Variants in ASB18 observed in about 807,000 individuals in gnomAD.
The protein encoded by ASB18 is ankyrin repeat and SOCS box containing 18, also known as ankyrin repeat and SOCS box protein 18.
A neutral mutation model predicts 33.4 loss-of-function variants in ASB18; 33 were observed. That is an observed-to-expected ratio of 0.99 (90% CI 0.75 to 1.32). The LOEUF is 1.32. Ranked by LOEUF, ASB18 falls within the 40% of genes most tolerant of loss-of-function variation. The pLI is 0.00. For missense variants in ASB18, 694 were observed against 655.5 expected, an observed-to-expected ratio of 1.06 and a Z score of -0.64; for synonymous variants, 295 against 307.6, an observed-to-expected ratio of 0.96 and a Z score of 0.43.
rs2060670129 is a variant in ASB18, at chr2:236,251,821, G to T, written c.206-10419C>A. On this transcript the variant is annotated intron_variant, in intron 1 of 5. Transcript: ENST00000409749. This position sits in a 1 kb window ranked among gnomAD's most constrained non-coding sequence, Gnocchi z 5.3. ...AGAGATCTTTTTGCCTATTGTGAAAGATTTTTTAAAAGTCAAGTTTTTGAA... is the reference window on the plus strand; with the variant it reads ...AGAGATCTTTTTGCCTATTGTGAAATATTTTTTAAAAGTCAAGTTTTTGAA... Among the ~76,000 whole-genome samples, 2 of 152,186 alleles carry T rather than the reference G, an allele frequency of 1.3e-5. No individual in the cohort carries two copies. The highest frequency in any genetic ancestry group is 4.1e-4 in the South Asian group (2 of 4,836).
At position 236,226,242 on chromosome 2, in the gene ASB18, A is replaced by G. The variant is rs1300324981; in HGVS notation, c.597-11376T>C. 6.6e-6 allele frequency among the ~76,000 whole-genome samples: 1 copy of G among 152,236 alleles called. No individual in the cohort carries two copies. The highest frequency in any genetic ancestry group is 1.5e-5 in the Non-Finnish European group (1 of 68,044). ...ATGGGACCTGCCAGCATATTCCATT[A>G]TCATCATTGATATTGAAGGGATTCT... On this transcript the variant is annotated intron_variant, in intron 3 of 5. Coordinates refer to ENST00000409749, the MANE Select transcript of ASB18 (RefSeq NM_212556.4). The surrounding 1 kb of genome is among the most constrained non-coding windows in gnomAD (Gnocchi z 4.8).
At chr2:236,240,773 C>T (rs534821500) in intron 2 of ASB18, among the ~76,000 whole-genome samples, 1 of 152,304 alleles carries the variant, frequency 6.6e-6, no homozygotes, top group East Asian at 1.9e-4. Context: ...TTTTCCTTCC[C>T]CATTCTTGGG....
At position 236,237,396 on chromosome 2, in the gene ASB18, G is replaced by GA. The variant is rs1559335097; in HGVS notation, c.596+292_596+293insT. Among the ~76,000 whole-genome samples, 1 of 103,296 alleles carries GA rather than the reference G, an allele frequency of 9.7e-6. No homozygotes were observed. The highest frequency in any genetic ancestry group is 8.6e-5 in the African/African-American group (1 of 11,654). 67.8% of individuals were successfully genotyped at this position (103,296 alleles called of 152,430 possible). A position where few individuals can be genotyped will look rare whatever the true frequency, so the allele number is the denominator to read the frequency against. ...GGCCGGGGCGCGGGGCGGGGGCCGG[G>GA]GCCGGGGCGCGGGGCGGGGGCCGGG... is the stretch of plus-strand genomic sequence containing the variant. On this transcript the variant is annotated intron_variant, in intron 3 of 5. Transcript: ENST00000409749. The surrounding 1 kb of genome is among the most constrained non-coding windows in gnomAD (Gnocchi z 6.2).
In ASB18 at chr2:236,225,759, G is replaced by C. The variant is rs1270740637; in HGVS notation, c.597-10893C>G. Among the ~76,000 whole-genome samples the C allele has an allele frequency of 1.3e-5, 2 of 151,648 alleles. No individual in the cohort carries two copies. Among genetic ancestry groups the C allele is most frequent in the Non-Finnish European group, 2.9e-5 (2 of 67,974 alleles). On this transcript the variant is annotated intron_variant, in intron 3 of 5. Coordinates refer to ENST00000409749, the MANE Select transcript of ASB18 (RefSeq NM_212556.4). This position sits in a 1 kb window ranked among gnomAD's most constrained non-coding sequence, Gnocchi z 5.1. Reference sequence around the variant, plus strand: ...TATCCCTTTCAGTGTGTTGAATTCTGAATTCTGAAGCTTGCTGGTTGGAAG... The same window carrying C: ...TATCCCTTTCAGTGTGTTGAATTCTCAATTCTGAAGCTTGCTGGTTGGAAG...
Position 236,196,468 on chromosome 2 carries a change from T to C in ASB18, c.1102-83A>G. ...GGAAAGGGTGGGGGGTGTGGGGGGA[T>C]GCTCTCCCTAGCTGTGTGACCTCCC... is the stretch of plus-strand genomic sequence containing the variant. On this transcript the variant is annotated intron_variant, in intron 4 of 5. Transcript: ENST00000409749. This position sits in a 1 kb window ranked among gnomAD's most constrained non-coding sequence, Gnocchi z 5.6. The C allele has an allele frequency of 1.4e-6, 1 of 735,380 alleles. No individual in the cohort carries two copies. The highest frequency in any genetic ancestry group is 1.6e-5 in the South Asian group (1 of 63,078). The allele number at this position is 735,380 out of a possible 1,614,324, so 45.6% of individuals were successfully genotyped here. A position where few individuals can be genotyped will look rare whatever the true frequency, so the allele number is the denominator to read the frequency against.
In ASB18 at chr2:236,260,125, G is replaced by T. The variant is rs777384468; in HGVS notation, c.205+4016C>A. Among the ~76,000 whole-genome samples the T allele has an allele frequency of 2.6e-5, 4 of 152,222 alleles. No individual in the cohort carries two copies. Among genetic ancestry groups the T allele is most frequent in the African/African-American group, 9.7e-5 (4 of 41,448 alleles). On this transcript the variant is annotated intron_variant, in intron 1 of 5. Transcript: ENST00000409749. The surrounding 1 kb of genome is among the most constrained non-coding windows in gnomAD (Gnocchi z 5.1). ...AAGTGATCATGTTAACATGCAGAGC[G>T]AATGGTTACTTTTCTTTTTCTTATT...
At chr2:236,243,865 C>T (rs1201978322) in intron 1 of ASB18, among the ~76,000 whole-genome samples, 1 of 152,008 alleles carries the variant, frequency 6.6e-6, no homozygotes, top group Non-Finnish European at 1.5e-5. Flanking sequence ...CTTGCTCTGT[C>T]ACCCAGGCTG....
In ASB18 at chr2:236,226,781, G is replaced by A. The variant is rs1468910849; in HGVS notation, c.596+10908C>T. ...AGCAATATTTTTCTGATCCTTTAAA[G>A]TGGGAGAGGAGTTGGGGCCCAAGGT... is the stretch of plus-strand genomic sequence containing the variant. On this transcript the variant is annotated intron_variant, in intron 3 of 5. Transcript: ENST00000409749. This position sits in a 1 kb window ranked among gnomAD's most constrained non-coding sequence, Gnocchi z 4.8. Among the ~76,000 whole-genome samples the A allele has an allele frequency of 6.6e-6, 1 of 152,214 alleles. No individual in the cohort carries two copies. Among genetic ancestry groups the A allele is most frequent in the Non-Finnish European group, 1.5e-5 (1 of 68,036 alleles).
At chr2:236,212,571 A>T (rs1439017094) in intron 4 of ASB18, among the ~76,000 whole-genome samples, 1 of 152,200 alleles carries the variant, frequency 6.6e-6, no homozygotes, top group Non-Finnish European at 1.5e-5. Flanking sequence ...TCAGAAAAAA[A>T]TAATTGGCCC....
At position 236,217,288 on chromosome 2, in the gene ASB18, T is replaced by A. The variant is rs1576399572; in HGVS notation, c.597-2422A>T. On this transcript the variant is annotated intron_variant, in intron 3 of 5. Transcript: ENST00000409749. This position sits in a 1 kb window ranked among gnomAD's most constrained non-coding sequence, Gnocchi z 5.2. The stretch of plus-strand genomic sequence containing the variant: ...CGGGCATAGTGGTGGATGCATGTAA[T>A]CCCAGCCACTCGGGAGGCTGAGGCA... Among the ~76,000 whole-genome samples the A allele has an allele frequency of 6.6e-6, 1 of 151,872 alleles. No individual in the cohort carries two copies. The highest frequency in any genetic ancestry group is 2.4e-5 in the African/African-American group (1 of 41,396).
Position 236,217,412 on chromosome 2 carries a change from C to CA in ASB18, c.597-2547dup, listed in dbSNP as rs1184456986. Among the ~76,000 whole-genome samples, 3,148 of 85,260 alleles carry CA rather than the reference C, an allele frequency of 0.037. 109 individuals are homozygous for CA. Among genetic ancestry groups the CA allele is most frequent in the African/African-American group, 0.2 (2,674 of 13,700 alleles). The allele number at this position is 85,260 out of a possible 152,430, so 55.9% of individuals were successfully genotyped here. A position where few individuals can be genotyped will look rare whatever the true frequency, so the allele number is the denominator to read the frequency against. ...GGGGCAACAGAGCGAGACTCTGTCT[C>CA]AAAAAAAAAAAAAAATAAATCTTGG... On this transcript the variant is annotated intron_variant, in intron 3 of 5. Transcript: ENST00000409749. This position sits in a 1 kb window ranked among gnomAD's most constrained non-coding sequence, Gnocchi z 5.2.
At position 236,260,971 on chromosome 2, in the gene ASB18, G is replaced by A. The variant is rs981153331; in HGVS notation, c.205+3170C>T. Among the ~76,000 whole-genome samples the A allele has an allele frequency of 2.6e-5, 4 of 152,266 alleles. No homozygotes were observed. The highest frequency in any genetic ancestry group is 1.9e-4 in the East Asian group (1 of 5,176). ...CATACCCTCGTTAATAAATGGAGAC[G>A]TTGGTCTCGAGACAGACAGTGAGTT... On this transcript the variant is annotated intron_variant, in intron 1 of 5. Transcript: ENST00000409749. This position sits in a 1 kb window ranked among gnomAD's most constrained non-coding sequence, Gnocchi z 5.1.
chr2:236,245,085 A>G lies in ASB18; in HGVS notation c.206-3683T>C, dbSNP rs1358425419. ...GCTCACATGGGTGAGAGTCAACCTC[A>G]GCTGGGTGTGGGGGGAGACTTGGCC... On this transcript the variant is annotated intron_variant, in intron 1 of 5. Transcript: ENST00000409749. The surrounding 1 kb of genome is among the most constrained non-coding windows in gnomAD (Gnocchi z 4.7). Among the ~76,000 whole-genome samples the G allele has an allele frequency of 1.3e-5, 2 of 152,146 alleles. No homozygotes were observed. The highest frequency in any genetic ancestry group is 2.9e-5 in the Non-Finnish European group (2 of 68,012).
chr2:236,196,836 T>C lies in ASB18; in HGVS notation c.1102-451A>G, dbSNP rs1192702177. On this transcript the variant is annotated intron_variant, in intron 4 of 5. Coordinates refer to ENST00000409749, the MANE Select transcript of ASB18 (RefSeq NM_212556.4). This position sits in a 1 kb window ranked among gnomAD's most constrained non-coding sequence, Gnocchi z 5.6. Reference sequence around the variant, plus strand: ...GAAATTGAGAATTGGGGAAGAGGAATTGTTTTGCTGTTGAATTTCCTCTTG... The same window carrying C: ...GAAATTGAGAATTGGGGAAGAGGAACTGTTTTGCTGTTGAATTTCCTCTTG... 6.6e-6 allele frequency among the ~76,000 whole-genome samples: 1 copy of C among 152,226 alleles called. No homozygotes were observed. The highest frequency in any genetic ancestry group is 1.5e-5 in the Non-Finnish European group (1 of 68,032).
Position 236,253,973 on chromosome 2 carries a change from C to G in ASB18, c.205+10168G>C, listed in dbSNP as rs941707744. The G allele has an allele frequency of 2.0e-5, 3 of 152,026 alleles. No homozygotes were observed. Among genetic ancestry groups the G allele is most frequent in the Non-Finnish European group, 4.4e-5 (3 of 68,010 alleles). 9.4% of individuals were successfully genotyped at this position (152,026 alleles called of 1,614,324 possible). ...GTTAGCTCAGGGTACATCTTTAGGC[C>G]TTTGGATGCCTGTTATAAAATTTAA... is the stretch of plus-strand genomic sequence containing the variant. On this transcript the variant is annotated intron_variant, in intron 1 of 5. Coordinates refer to ENST00000409749, the MANE Select transcript of ASB18 (RefSeq NM_212556.4). This position sits in a 1 kb window ranked among gnomAD's most constrained non-coding sequence, Gnocchi z 5.4.
At position 236,225,681 on chromosome 2, in the gene ASB18, A is replaced by G. The variant is rs2060534077; in HGVS notation, c.597-10815T>C. 6.6e-6 allele frequency among the ~76,000 whole-genome samples: 1 copy of G among 152,208 alleles called. No homozygotes were observed. The highest frequency in any genetic ancestry group is 1.5e-5 in the Non-Finnish European group (1 of 68,034). On this transcript the variant is annotated intron_variant, in intron 3 of 5. Transcript: ENST00000409749. This position sits in a 1 kb window ranked among gnomAD's most constrained non-coding sequence, Gnocchi z 5.1. ...AATGTGAACACAGTTACTTTACTGT[A>G]ACTTTTCTTTTTGGGAAAATCTCTT... is the stretch of plus-strand genomic sequence containing the variant.
intron 1 of ASB18, among the ~76,000 whole-genome samples, chr2:236,247,127 T>C (rs1202759646): frequency 4.7e-4 from 2 of 4,226 alleles, no homozygotes; most frequent in Non-Finnish European, 1.3e-3. Flanking sequence ...AACAGACTCT[T>C]TTTTTTTTTT....
chr2:236,218,309 A>G (rs1054012991), intron 3 of ASB18, among the ~76,000 whole-genome samples: 2 of 151,294 alleles, frequency 1.3e-5, no homozygotes, highest in African/African-American at 2.5e-5. Flanking sequence ...AACCACGGGC[A>G]TGGGAAAGAA....
rs1450946562 is a variant in ASB18, at chr2:236,211,503, T to C, written c.1101+2859A>G. Among the ~76,000 whole-genome samples the C allele has an allele frequency of 6.6e-6, 1 of 152,258 alleles. No homozygotes were observed. The highest frequency in any genetic ancestry group is 2.4e-5 in the African/African-American group (1 of 41,476). On this transcript the variant is annotated intron_variant, in intron 4 of 5. Transcript: ENST00000409749. This position sits in a 1 kb window ranked among gnomAD's most constrained non-coding sequence, Gnocchi z 5.0. Reference sequence around the variant, plus strand: ...CTGTGAAACCTTTTGCCTCGGTAATTCTGCGCTCCATGGGTGTCTCTTTAC... The same window carrying C: ...CTGTGAAACCTTTTGCCTCGGTAATCCTGCGCTCCATGGGTGTCTCTTTAC...
Sources: allele counts gnomAD v4.1 joint callset (sites outside exome capture counted in the v4.1 genomes callset), GRCh38; gene constraint gnomAD v4.1.1; non-coding constraint Gnocchi (gnomAD v3.1); transcripts MANE v1.5; gene names NCBI Gene and HGNC (gene_info 2026-07-23, HGNC 2026-07-21).